The following MAP3K15 variants were observed in gnomAD, a reference collection of about 807,000 sequenced individuals.
MAP3K15 encodes the protein mitogen-activated protein kinase kinase kinase 15, also known as MAPK/ERK kinase kinase 15.
In MAP3K15, 124 loss-of-function variants were observed where a neutral mutation model predicts 99.5. The observed-to-expected ratio is 1.25, with a 90% confidence interval of 1.08 to 1.45. The LOEUF is 1.45. Among genes scored for constraint, MAP3K15 ranks in the 40% most tolerant of loss-of-function variants. The pLI, the probability that MAP3K15 is intolerant of heterozygous loss-of-function variation, is 0.00. For synonymous variants in MAP3K15, 494 were observed against 439.6 expected (o/e 1.12, Z -1.55); for missense variants, 1,242 against 1,079.7 (o/e 1.15, Z -2.11).
intron 22 of MAP3K15, 92 bp downstream of exon 22, chrX:19,372,561 G>A (rs2063383192): frequency 1.2e-5 from 10 of 816,745 alleles, no homozygotes; most frequent in East Asian, 3.2e-5. Context: ...GTTCCAGGGC[G>A]GCAGGAACTG....
chrX:19,413,339 G>T lies in MAP3K15; in HGVS notation c.1698+18C>A. On this transcript the variant is annotated intron_variant, in intron 11 of 28. Coordinates refer to ENST00000338883, the MANE Select transcript of MAP3K15 (RefSeq NM_001001671.4). Reference sequence around the variant, plus strand: ...TATTTGAAAACTGATTAAATTGCTTGTGATTTTTCCTCCTTACCATTTCTG... The same window carrying T: ...TATTTGAAAACTGATTAAATTGCTTTTGATTTTTCCTCCTTACCATTTCTG... 1 of 1,142,394 alleles carries T rather than the reference G, an allele frequency of 8.8e-7. No individual in the cohort carries two copies. The highest frequency in any genetic ancestry group is 1.2e-6 in the Non-Finnish European group (1 of 838,156). The allele number at this position is 1,142,394 out of a possible 1,213,427, so 94.1% of individuals were successfully genotyped here.
rs769335444 is a variant in MAP3K15, at chrX:19,372,112, C to T, written c.3108+541G>A. 8.1e-4 allele frequency among the ~76,000 whole-genome samples: 69 copies of T among 85,603 alleles called. 1 individual carries two copies. In the South Asian group the frequency reaches 9.3e-3, roughly 11 times the overall value. The allele number at this position is 85,603 out of a possible 115,157, so 74.3% of individuals were successfully genotyped here. A position where few individuals can be genotyped will look rare whatever the true frequency, so the allele number is the denominator to read the frequency against. The stretch of plus-strand genomic sequence containing the variant: ...TCACACCGCTGCACTCCAGCCTGGG[C>T]GACAGAGTGAGACTGTCTAAAAAAA... On this transcript the variant is annotated intron_variant, in intron 22 of 28. Transcript: ENST00000338883.
chrX:19,380,064 T>C, intron 19 of MAP3K15, 56 bp downstream of exon 19: 2 of 1,101,674 alleles, frequency 1.8e-6, no homozygotes, highest in Non-Finnish European at 2.4e-6. Flanking sequence ...GAGGAGACTT[T>C]GTTTTTAATT....
chrX:19,460,228 C>T, intron 4 of MAP3K15, 75 bp from the exon 5 acceptor site: 2 of 769,061 alleles, frequency 2.6e-6, no homozygotes, highest in Non-Finnish European at 3.6e-6. Flanking sequence ...CAAAATGGTT[C>T]TCATTGACCT....
intron 9 of MAP3K15, 47 bp from the exon 10 acceptor site, chrX:19,415,304 A>C: frequency 9.4e-7 from 1 of 1,065,400 alleles, no homozygotes; most frequent in Non-Finnish European, 1.2e-6. Context: ...AAAGAAACTG[A>C]ATTCAATTCA....
At chrX:19,461,778 C>T (rs2064133945) in intron 4 of MAP3K15, among the ~76,000 whole-genome samples, 1 of 110,728 alleles carries the variant, frequency 9.0e-6, no homozygotes, top group African/African-American at 3.3e-5. Flanking sequence ...ATCACCCGAG[C>T]TTAGGAGTTC....
intron 3 of MAP3K15, among the ~76,000 whole-genome samples, chrX:19,475,879 G>C (rs751521421): frequency 8.9e-6 from 1 of 112,103 alleles, no homozygotes; most frequent in East Asian, 2.8e-4. Flanking sequence ...TAGCCTTGGG[G>C]TTGGCTATAT....
chrX:19,415,026 T>A, intron 10 of MAP3K15, 81 bp downstream of exon 10: 2 of 864,884 alleles, frequency 2.3e-6, no homozygotes. Context: ...TTTCTTCAGT[T>A]CAGAGTATTC....
intron 4 of MAP3K15, among the ~76,000 whole-genome samples, chrX:19,461,933 G>A (rs1177066269): frequency 1.8e-5 from 2 of 110,245 alleles, no homozygotes; most frequent in Admixed American, 9.8e-5. Flanking sequence ...AGAGGTTGCA[G>A]TGAACTGAGA....
intron 9 of MAP3K15, among the ~76,000 whole-genome samples, chrX:19,418,384 A>G (rs2063754675): frequency 2.7e-5 from 3 of 112,016 alleles, no homozygotes; most frequent in African/African-American, 9.7e-5. Context: ...CACAAGAACT[A>G]TGTGATGAAT....
chrX:19,364,251 T>C (rs1453408258), intron 25 of MAP3K15, among the ~76,000 whole-genome samples: 1 of 112,131 alleles, frequency 8.9e-6, no homozygotes, highest in East Asian at 2.8e-4. Flanking sequence ...GTCTTGCTCA[T>C]GGGCTCTCTG....
At chrX:19,488,054 C>T (rs1431518004) in intron 2 of MAP3K15, among the ~76,000 whole-genome samples, 2 of 111,427 alleles carry the variant, frequency 1.8e-5, no homozygotes, top group Non-Finnish European at 3.8e-5. Context: ...CTGAAGTGCA[C>T]TCAAGGCCGA....
intron 14 of MAP3K15, among the ~76,000 whole-genome samples, chrX:19,399,820 C>T (rs2063596077): frequency 1.8e-5 from 2 of 108,842 alleles, no homozygotes; most frequent in Non-Finnish European, 3.8e-5. Flanking sequence ...AATCAGCCTG[C>T]TCCATAGAAG....
At chrX:19,476,718 G>A (rs2064245742) in intron 3 of MAP3K15, among the ~76,000 whole-genome samples, 1 of 112,041 alleles carries the variant, frequency 8.9e-6, no homozygotes, top group African/African-American at 3.2e-5. Context: ...TCAGGATACG[G>A]TGCCACTTAA....
At chrX:19,457,307 G>C (rs1024600799) in intron 5 of MAP3K15, among the ~76,000 whole-genome samples, 1 of 112,246 alleles carries the variant, frequency 8.9e-6, no homozygotes, top group East Asian at 2.8e-4. Flanking sequence ...GCTGAGTGTA[G>C]GAGAGTTAAC....
At chrX:19,413,292 A>T in intron 11 of MAP3K15, 65 bp downstream of exon 11, 1 of 853,757 alleles carries the variant, frequency 1.2e-6, no homozygotes, top group Non-Finnish European at 1.7e-6. Flanking sequence ...TTTTCCTTCA[A>T]ATACTACCAT....
At chrX:19,391,957 G>T (rs749646815) in intron 18 of MAP3K15, 45 bp downstream of exon 18, 2 of 978,844 alleles carry the variant, frequency 2.0e-6, no homozygotes, top group Non-Finnish European at 2.9e-6. Flanking sequence ...TGCAGAAAGC[G>T]TAACTCTGGG....
intron 9 of MAP3K15, among the ~76,000 whole-genome samples, chrX:19,416,442 C>T (rs936589933): frequency 8.9e-6 from 1 of 111,838 alleles, no homozygotes; most frequent in Non-Finnish European, 1.9e-5. Flanking sequence ...TGATCACTCA[C>T]GGTTCTCGTG....
At chrX:19,429,422 G>T (rs1210267408) in intron 7 of MAP3K15, among the ~76,000 whole-genome samples, 1 of 110,574 alleles carries the variant, frequency 9.0e-6, no homozygotes, top group Non-Finnish European at 1.9e-5. Flanking sequence ...GGCCTGACTG[G>T]ACGGGGAGGT....
Sources: allele counts gnomAD v4.1 joint callset (sites outside exome capture counted in the v4.1 genomes callset), GRCh38; gene constraint gnomAD v4.1.1; transcripts MANE v1.5; gene names NCBI Gene and HGNC (gene_info 2026-07-23, HGNC 2026-07-21).